The following RIPK1 variants were observed in gnomAD, a reference collection of about 807,000 sequenced individuals.
The protein encoded by RIPK1 is receptor-interacting serine/threonine-protein kinase 1.
RIPK1 carries 27 observed loss-of-function variants against 62.4 expected under a neutral mutation model. That is an observed-to-expected ratio of 0.43 (90% CI 0.32 to 0.60). RIPK1 has a LOEUF of 0.60. Ranked by LOEUF, RIPK1 falls within the 20% of genes least tolerant of loss-of-function variation. RIPK1 has a pLI of 0.07. For missense variants in RIPK1, 735 were observed against 831.0 expected (o/e 0.88, Z 1.42); for synonymous variants, 287 against 303.2 (o/e 0.95, Z 0.55).
At chr6:3,080,121 A>T (rs997617432) in intron 3 of RIPK1, among the ~76,000 whole-genome samples, 1 of 152,274 alleles carries the variant, frequency 6.6e-6, no homozygotes, top group Non-Finnish European at 1.5e-5. Flanking sequence ...TCAAGCTATT[A>T]ACAGTGTAGC....
intron 9 of RIPK1, among the ~76,000 whole-genome samples, chr6:3,108,310 A>C (rs960972918): frequency 1.3e-5 from 2 of 151,982 alleles, no homozygotes; most frequent in African/African-American, 4.8e-5. Context: ...CATTCTCCTC[A>C]ATTATAAATG....
rs549720988 is a variant in RIPK1 at position 3,076,781 on chromosome 6, G to A, written c.-43G>A. 1.2e-5 allele frequency: 19 copies of A among 1,604,720 alleles called. No homozygotes were observed. In the South Asian group the frequency reaches 1.9e-4, roughly 16 times the overall value. ...CTTTACAGGGTACAGCTCTGCCGGG[G>A]GGGGAAAAAGTGGTACCATTTTGGG... On this transcript the variant is annotated 5_prime_UTR_variant, in exon 2 of 11. Transcript: ENST00000259808.
intron 7 of RIPK1, among the ~76,000 whole-genome samples, chr6:3,094,555 T>C (rs2113656365): frequency 6.7e-6 from 1 of 149,142 alleles, no homozygotes; most frequent in Non-Finnish European, 1.5e-5. Context: ...GAGTACTTAA[T>C]ATAACCTTAA....
At chr6:3,065,467 A>G (rs1311707055), upstream of RIPK1, among the ~76,000 whole-genome samples, 7 of 151,810 alleles carry the variant, frequency 4.6e-5, no homozygotes, top group Non-Finnish European at 1.0e-4. Context: ...GGGCCTGGGC[A>G]TTAGACCAGG....
chr6:3,074,966 C>T (rs1458419362), intron 1 of RIPK1, among the ~76,000 whole-genome samples: 3 of 152,180 alleles, frequency 2.0e-5, no homozygotes, highest in African/African-American at 7.2e-5. Flanking sequence ...AGACGTGAGC[C>T]ACGGCGCCCA....
In RIPK1 at chr6:3,113,326, T is replaced by C; in HGVS notation, c.2003T>C (p.Val668Ala). Residue 668 changes from valine to alanine, a missense_variant, in exon 11 of 11, where the codon GTC becomes GCC. Around this residue, in one of 2 missense-constraint regions of RIPK1, gnomAD observed 64 missense variants for 104.8 expected, o/e 0.61. Transcript: ENST00000259808. This position sits in a 1 kb window ranked among gnomAD's most constrained non-coding sequence, Gnocchi z 5.0. ...GACCTTCTGAGCAGCTTGATTTACG[T>C]CAGCCAGAACTAACCCTGGATGGGC... ...RIDLLSSLIY[V>A]SQN 2 of 1,613,814 alleles carry C rather than the reference T, an allele frequency of 1.2e-6. No individual in the cohort carries two copies. Among genetic ancestry groups the C allele is most frequent in the Non-Finnish European group, 1.7e-6 (2 of 1,179,910 alleles).
At chr6:3,111,421 T>C (rs774355187) in intron 10 of RIPK1, among the ~76,000 whole-genome samples, 11 of 152,156 alleles carry the variant, frequency 7.2e-5, no homozygotes, top group Admixed American at 1.3e-4. Context: ...CAGCCCATAA[T>C]GCTAATCCCA....
Position 3,085,398 on chromosome 6 carries a change from G to A in RIPK1, c.828G>A (p.Pro276=), listed in dbSNP as rs774820485. The A allele has an allele frequency of 2.4e-5, 39 of 1,614,026 alleles. No homozygotes were observed. Among genetic ancestry groups the A allele is most frequent in the South Asian group, 5.5e-5 (5 of 91,074 alleles). ...LCWEANPEAR[P]TFPGIEEKFR... ...GGGAAGCGAATCCGGAAGCTCGGCC[G>A]ACATTTCCTGGTAAGAGCATCTTTT... The change falls in exon 6 of 11, where the codon CCG becomes CCA. Residue 276 remains proline (P), a synonymous_variant. Coordinates refer to ENST00000259808, the MANE Select transcript of RIPK1 (RefSeq NM_001354930.2).
intron 4 of RIPK1, 39 bp from the exon 5 acceptor site, chr6:3,083,046 C>T: frequency 2.5e-6 from 4 of 1,595,006 alleles, no homozygotes; most frequent in Non-Finnish European, 3.4e-6. Context: ...TGCTTACGGC[C>T]TTCACCAAAC....
Position 3,108,215 on chromosome 6 carries a change from A to G in RIPK1, c.1576+2164A>G, listed in dbSNP as rs963765186. ...TTAGAAAAGGAAAGCTCACTGGGCT[A>G]AGAGTCAGGAGACCCAGGTCTAGTC... On this transcript the variant is annotated intron_variant, in intron 9 of 10. Coordinates refer to ENST00000259808, the MANE Select transcript of RIPK1 (RefSeq NM_001354930.2). Among the ~76,000 whole-genome samples the G allele has an allele frequency of 2.0e-5, 3 of 151,948 alleles. No homozygotes were observed. The East Asian group carries it at 5.9e-4, about 30-fold the overall frequency.
At chr6:3,102,929 T>C (rs1439553680) in intron 7 of RIPK1, among the ~76,000 whole-genome samples, 1 of 152,224 alleles carries the variant, frequency 6.6e-6, no homozygotes, top group Non-Finnish European at 1.5e-5. Flanking sequence ...AAAATTGTTT[T>C]ACATGGTAGC....
At position 3,070,147 on chromosome 6, in the gene RIPK1, C is replaced by G. The variant is rs1302861161; in HGVS notation, c.-61+1486C>G. On this transcript the variant is annotated intron_variant, in intron 1 of 10. Coordinates refer to ENST00000259808, the MANE Select transcript of RIPK1 (RefSeq NM_001354930.2). ...ATAGCAAAAATGATAACTTTTAATA[C>G]TCATTTTCCTCTGTCTGAACTATAC... 2.6e-5 allele frequency among the ~76,000 whole-genome samples: 4 copies of G among 152,102 alleles called. 1 individual carries two copies. The highest frequency in any genetic ancestry group is 2.6e-4 in the Admixed American group (4 of 15,280).
chr6:3,107,400 C>CAAA (rs1167089664), intron 9 of RIPK1, among the ~76,000 whole-genome samples: 33 of 55,326 alleles, frequency 6.0e-4, no homozygotes, highest in Non-Finnish European at 1.1e-3. Context: ...ACTAAAAATA[C>CAAA]AAAAAAAAAA....
chr6:3,100,955 A>G (rs554654207), intron 7 of RIPK1, among the ~76,000 whole-genome samples: 3 of 152,310 alleles, frequency 2.0e-5, no homozygotes, highest in Non-Finnish European at 4.4e-5. Flanking sequence ...TAACTATAAA[A>G]AGAAAATCAA....
intron 3 of RIPK1, among the ~76,000 whole-genome samples, chr6:3,079,969 G>A (rs1581390870): frequency 6.6e-6 from 1 of 152,314 alleles, no homozygotes; most frequent in East Asian, 1.9e-4. Context: ...CTCAGTCAGG[G>A]CATCAGGAGG....
intron 3 of RIPK1, 88 bp from the exon 4 acceptor site, chr6:3,080,891 C>A: frequency 7.5e-7 from 1 of 1,331,348 alleles, no homozygotes. Context: ...TCTCCTCAGG[C>A]TCAGATCCCA....
intron 1 of RIPK1, among the ~76,000 whole-genome samples, chr6:3,071,136 G>A (rs1758689574): frequency 6.6e-6 from 1 of 152,212 alleles, no homozygotes; most frequent in African/African-American, 2.4e-5. Context: ...CTGTAATCAA[G>A]GAAGTTGGAG....
intron 10 of RIPK1, among the ~76,000 whole-genome samples, chr6:3,112,161 G>A (rs749523729): frequency 6.6e-6 from 1 of 151,162 alleles, no homozygotes; most frequent in Non-Finnish European, 1.5e-5. Context: ...TAAAGGAGGG[G>A]TTAGGGTCCA....
chr6:3,096,430 A>G (rs1760297044), intron 7 of RIPK1, among the ~76,000 whole-genome samples: 1 of 152,074 alleles, frequency 6.6e-6, no homozygotes, highest in Non-Finnish European at 1.5e-5. Flanking sequence ...GAGACATAAG[A>G]CCAAAGTAAG....
Sources: allele counts gnomAD v4.1 joint callset (sites outside exome capture counted in the v4.1 genomes callset), GRCh38; gene constraint gnomAD v4.1.1; regional missense constraint gnomAD v4.1.1; non-coding constraint Gnocchi (gnomAD v3.1); transcripts MANE v1.5; gene names NCBI Gene and HGNC (gene_info 2026-07-23, HGNC 2026-07-21).